GPHN: variants seen among roughly 807,000 people sequenced by gnomAD.
GPHN encodes gephyrin.
A neutral mutation model predicts 95.5 loss-of-function variants in GPHN; 17 were observed. That is an observed-to-expected ratio of 0.18 (90% confidence interval 0.12 to 0.27). The LOEUF (loss-of-function observed/expected upper bound fraction) is 0.27. GPHN is among the 10% of genes least tolerant of loss of function. The pLI is 1.00. For synonymous variants in GPHN, 320 were observed against 322.5 expected (o/e 0.99, Z 0.08); for missense variants, 660 against 978.1 (o/e 0.67, Z 4.34).
chr14:67,462,601 C>T, the GPHN span, among the ~76,000 whole-genome samples: 1 of 152,224 alleles, frequency 6.6e-6, no homozygotes, highest in Non-Finnish European at 1.5e-5. Context: ...ACCTCAGCCT[C>T]CCAAAGCTCT....
chr14:67,110,365 A>AGTTTT, intron 14 of GPHN, 106 bp downstream of exon 14: 2 of 1,260,700 alleles, frequency 1.6e-6, no homozygotes, highest in Non-Finnish European at 2.3e-6. Flanking sequence ...TGGGTTGTTT[A>AGTTTT]GTTTTGTTTT....
intron 1 of GPHN, among the ~76,000 whole-genome samples, chr14:66,625,670 A>G (rs1279661921): frequency 6.6e-6 from 1 of 152,170 alleles, no homozygotes; most frequent in African/African-American, 2.4e-5. Flanking sequence ...TCTTATGTCA[A>G]GTACACAATT....
the GPHN span, chr14:67,204,627 C>G: frequency 9.6e-5 from 155 of 1,613,756 alleles, no homozygotes; most frequent in Non-Finnish European, 1.2e-4. Flanking sequence ...GAGCCTACTA[C>G]TTACAGCTCT....
chr14:67,632,808 A>ATTTTTTTTT, the GPHN span, among the ~76,000 whole-genome samples: 3 of 62,358 alleles, frequency 4.8e-5, no homozygotes, highest in Admixed American at 2.8e-4. Context: ...AAGCCTCTTA[A>ATTTTTTTTT]TTTTTTTTTT....
intron 18 of GPHN, among the ~76,000 whole-genome samples, chr14:67,144,997 T>A (rs566261565): frequency 6.6e-6 from 1 of 152,296 alleles, no homozygotes; most frequent in African/African-American, 2.4e-5. Flanking sequence ...TAGAGCAAAT[T>A]GCCGCAGAGC....
chr14:66,699,642 C>T (rs763118659), intron 2 of GPHN, among the ~76,000 whole-genome samples: 10 of 152,082 alleles, frequency 6.6e-5, no homozygotes, highest in African/African-American at 1.4e-4. Context: ...TTTTTAATAG[C>T]GCATGCAAGA....
chr14:66,916,406 G>A (rs2065901585), intron 6 of GPHN, among the ~76,000 whole-genome samples: 2 of 151,390 alleles, frequency 1.3e-5, no homozygotes, highest in African/African-American at 4.9e-5. Context: ...TTACTCTCCT[G>A]GCATTCGTGT....
chr14:67,010,333 G>A (rs987737774), intron 9 of GPHN, among the ~76,000 whole-genome samples: 5 of 151,520 alleles, frequency 3.3e-5, no homozygotes, highest in South Asian at 2.1e-4. Context: ...GGCGGATCAC[G>A]AGGTCAGGAT....
intron 1 of GPHN, among the ~76,000 whole-genome samples, chr14:66,550,593 GTTC>G (rs2059774164): frequency 1.3e-5 from 2 of 152,182 alleles, no homozygotes; most frequent in South Asian, 4.1e-4. Flanking sequence ...TTTGAAAGAA[GTTC>G]TTCTGTCAGT....
At chr14:67,109,291 G>A (rs1567343864) in intron 13 of GPHN, among the ~76,000 whole-genome samples, 1 of 152,122 alleles carries the variant, frequency 6.6e-6, no homozygotes, top group African/African-American at 2.4e-5. Context: ...ATTGTCTCAG[G>A]ATTTTTTCTT....
the GPHN span, chr14:67,555,856 C>T: frequency 6.2e-7 from 1 of 1,613,426 alleles, no homozygotes; most frequent in South Asian, 1.1e-5. Context: ...CTGCTGGAGG[C>T]AGAGCAGAGA....
At position 67,181,096 on chromosome 14, in the gene GPHN, A is replaced by T. The variant is rs1171075803; in HGVS notation, c.*159A>T. On this transcript the variant is annotated 3_prime_UTR_variant, in exon 23 of 23. Transcript: ENST00000478722. ...TCAAATGAATTTAAATATCTTTTAA[A>T]GAAAAAAACACCTAAAAATAAATCT... is the stretch of plus-strand genomic sequence containing the variant. 1.4e-6 allele frequency: 1 copy of T among 715,232 alleles called. No individual in the cohort carries two copies. The allele number at this position is 715,232 out of a possible 1,614,324, so 44.3% of individuals were successfully genotyped here. A position where few individuals can be genotyped will look rare whatever the true frequency, so the allele number is the denominator to read the frequency against.
chr14:67,401,852 G>A, the GPHN span, among the ~76,000 whole-genome samples: 6 of 152,266 alleles, frequency 3.9e-5, no homozygotes, highest in South Asian at 2.1e-4. Flanking sequence ...AGGCCGGCGC[G>A]GTGGCTCACG....
chr14:66,607,161 G>A (rs946976468), intron 1 of GPHN, among the ~76,000 whole-genome samples: 3 of 151,954 alleles, frequency 2.0e-5, no homozygotes, highest in Non-Finnish European at 4.4e-5. Context: ...AGCCTTGTTT[G>A]TTGAGGGTTT....
At chr14:67,604,693 G>A in the GPHN span, among the ~76,000 whole-genome samples, 79 of 151,094 alleles carry the variant, frequency 5.2e-4, no homozygotes, top group Non-Finnish European at 9.6e-4. Flanking sequence ...GGGTAACAGA[G>A]CGAGAAAAAA....
chr14:67,341,464 G>A, the GPHN span, among the ~76,000 whole-genome samples: 1 of 152,064 alleles, frequency 6.6e-6, no homozygotes, highest in Non-Finnish European at 1.5e-5. Context: ...GAGGGAGGTT[G>A]GGGGGTCAGC....
intron 1 of GPHN, among the ~76,000 whole-genome samples, chr14:66,533,256 C>A (rs1036675910): frequency 6.6e-6 from 1 of 152,148 alleles, no homozygotes; most frequent in Non-Finnish European, 1.5e-5. Flanking sequence ...GTAATCTCTT[C>A]CTGCTTTGAG....
chr14:66,593,552 T>C (rs147599465), intron 1 of GPHN, among the ~76,000 whole-genome samples: 113 of 152,234 alleles, frequency 7.4e-4, no homozygotes, highest in African/African-American at 2.4e-3. Context: ...GGGGAATCCA[T>C]GCCCAAGATC....
At chr14:66,525,442 TG>T (rs1424962466) in intron 1 of GPHN, among the ~76,000 whole-genome samples, 44 of 152,244 alleles carry the variant, frequency 2.9e-4, no homozygotes, top group Admixed American at 2.9e-3. Flanking sequence ...TTCTGTAGGT[TG>T]CCTGTTCACT....
Sources: allele counts gnomAD v4.1 joint callset (sites outside exome capture counted in the v4.1 genomes callset), GRCh38; gene constraint gnomAD v4.1.1; transcripts MANE v1.5; gene names NCBI Gene and HGNC (gene_info 2026-07-23, HGNC 2026-07-21).